The following DLGAP2 variants were observed in gnomAD, a reference collection of about 807,000 sequenced individuals.
DLGAP2 encodes disks large-associated protein 2.
In DLGAP2, 26 loss-of-function variants were observed where a neutral mutation model predicts 100.3. The observed-to-expected ratio is 0.26, with a 90% CI of 0.19 to 0.36. The LOEUF is 0.36. Ranked by LOEUF, DLGAP2 falls within the 10% of genes least tolerant of loss-of-function variation. DLGAP2 has a pLI of 1.00. For missense variants in DLGAP2, 1,858 were observed against 1,453.2 expected (o/e 1.28, Z -4.53); for synonymous variants, 886 against 630.1 (o/e 1.41, Z -6.08).
intron 2 of DLGAP2, among the ~76,000 whole-genome samples, chr8:927,689 C>T (rs530256492): frequency 6.6e-6 from 1 of 152,116 alleles, no homozygotes; most frequent in Non-Finnish European, 1.5e-5. Context: ...AAGCCAGACA[C>T]ACCAGGGAGG....
intron 2 of DLGAP2, among the ~76,000 whole-genome samples, chr8:1,007,591 C>G (rs530027367): frequency 1.3e-5 from 2 of 150,618 alleles, no homozygotes; most frequent in East Asian, 2.0e-4. Flanking sequence ...GCTGAAGGCA[C>G]CAGTGGTCCA....
intron 3 of DLGAP2, among the ~76,000 whole-genome samples, chr8:1,490,733 C>T (rs1369934830): frequency 6.6e-6 from 1 of 152,142 alleles, no homozygotes; most frequent in African/African-American, 2.4e-5. Flanking sequence ...CACACCAGAA[C>T]AAATGAGCAG....
intron 3 of DLGAP2, chr8:1,259,935 T>C (rs531201467): frequency 2.0e-5 from 3 of 152,356 alleles, no homozygotes; most frequent in Admixed American, 6.5e-5. Context: ...AGCACAGATA[T>C]ATCCATGGTA....
intron 2 of DLGAP2, among the ~76,000 whole-genome samples, chr8:994,286 C>T (rs1422147916): frequency 6.6e-6 from 1 of 152,114 alleles, no homozygotes; most frequent in Admixed American, 6.5e-5. Flanking sequence ...CTGCAACCTC[C>T]ACCTCCCAGA....
chr8:954,159 T>C (rs573049712), intron 2 of DLGAP2, among the ~76,000 whole-genome samples: 5 of 152,292 alleles, frequency 3.3e-5, no homozygotes, highest in African/African-American at 1.2e-4. Context: ...GAGAAATTTT[T>C]TTAAGGTGCA....
At chr8:836,032 G>A (rs1045412714) in intron 1 of DLGAP2, among the ~76,000 whole-genome samples, 23 of 152,176 alleles carry the variant, frequency 1.5e-4, no homozygotes, top group African/African-American at 5.5e-4. Context: ...GAATGGATCC[G>A]CACTTAACTC....
intron 2 of DLGAP2, among the ~76,000 whole-genome samples, chr8:1,167,405 G>C (rs1428360384): frequency 6.6e-6 from 1 of 152,120 alleles, no homozygotes. Context: ...AGAGGGGTGA[G>C]GCTGGCAGGG....
intron 3 of DLGAP2, among the ~76,000 whole-genome samples, chr8:1,277,922 G>C (rs776772673): frequency 1.1e-4 from 16 of 152,156 alleles, no homozygotes; most frequent in Non-Finnish European, 2.1e-4. Flanking sequence ...TTGAATCTCT[G>C]GTAATTTAAC....
chr8:1,222,574 A>G (rs1472452069), intron 2 of DLGAP2, among the ~76,000 whole-genome samples: 3 of 151,864 alleles, frequency 2.0e-5, no homozygotes, highest in East Asian at 1.9e-4. Flanking sequence ...TGTGCTGGCA[A>G]GATAGCAGGG....
chr8:898,389 C>T (rs1440147361), intron 1 of DLGAP2, among the ~76,000 whole-genome samples: 1 of 152,164 alleles, frequency 6.6e-6, no homozygotes, highest in East Asian at 1.9e-4. Context: ...TGGCGTGGTC[C>T]CTGGAAGGCG....
At chr8:961,780 T>C (rs934643600) in intron 2 of DLGAP2, among the ~76,000 whole-genome samples, 2 of 152,240 alleles carry the variant, frequency 1.3e-5, no homozygotes, top group Non-Finnish European at 2.9e-5. Context: ...GTTATACGTT[T>C]GTGTAAATTT....
rs186033517 is a variant in DLGAP2 at position 1,057,520 on chromosome 8, T to C, written c.73+149554T>C. On this transcript the variant is annotated intron_variant, in intron 2 of 14. Transcript: ENST00000637795. ...CATTGCCTAAGAATTCAGCTCTTCG[T>C]TTGTTGTCTCTCTAACTTACTGGCT... Among the ~76,000 whole-genome samples the C allele has an allele frequency of 6.6e-5, 10 of 152,356 alleles. No individual in the cohort carries two copies. In the East Asian group the frequency reaches 1.2e-3, roughly 18 times the overall value.
At chr8:778,279 C>T (rs1236597818) in intron 1 of DLGAP2, among the ~76,000 whole-genome samples, 1 of 152,146 alleles carries the variant, frequency 6.6e-6, no homozygotes, top group Non-Finnish European at 1.5e-5. Context: ...AACTTCTTTA[C>T]CTTTGGTTTG....
At chr8:1,293,004 C>T (rs1390658183) in intron 3 of DLGAP2, among the ~76,000 whole-genome samples, 2 of 152,152 alleles carry the variant, frequency 1.3e-5, no homozygotes. Flanking sequence ...TCTCTTTTTT[C>T]CACATGCCTA....
chr8:1,181,792 C>T (rs1467864000), intron 2 of DLGAP2, among the ~76,000 whole-genome samples: 2 of 152,106 alleles, frequency 1.3e-5, no homozygotes, highest in Admixed American at 6.5e-5. Context: ...TGGATGGAGA[C>T]CCCGGGAGGA....
chr8:1,482,913 A>G (rs1045247261), intron 3 of DLGAP2, among the ~76,000 whole-genome samples: 29 of 152,384 alleles, frequency 1.9e-4, no homozygotes, highest in African/African-American at 6.5e-4. Flanking sequence ...ACAGGGACCC[A>G]GGAGAAGAGG....
chr8:767,459 T>G (rs529108469), intron 1 of DLGAP2, among the ~76,000 whole-genome samples: 2 of 151,770 alleles, frequency 1.3e-5, no homozygotes, highest in South Asian at 4.2e-4. Flanking sequence ...CCTCCCAGGT[T>G]CAAGCGATTC....
chr8:763,503 C>T (rs370145635), intron 1 of DLGAP2, among the ~76,000 whole-genome samples: 4 of 152,158 alleles, frequency 2.6e-5, no homozygotes, highest in African/African-American at 4.8e-5. Context: ...TTCCATAATT[C>T]GCACTTCTAA....
chr8:1,634,629 G>T (rs184338385), intron 8 of DLGAP2, among the ~76,000 whole-genome samples: 2 of 152,094 alleles, frequency 1.3e-5, no homozygotes, highest in African/African-American at 4.8e-5. Flanking sequence ...GAAAAACAGC[G>T]GTCCAAGAGA....
Sources: gnomAD v4.1 joint callset for allele counts (sites outside exome capture counted in the v4.1 genomes callset) on GRCh38, gnomAD v4.1.1 for gene constraint, MANE v1.5 for transcripts, NCBI Gene and HGNC (gene_info 2026-07-23, HGNC 2026-07-21) for gene names.